DPYD: variants seen among roughly 807,000 people sequenced by gnomAD.
DPYD encodes the protein dihydropyrimidine dehydrogenase [NADP(+)].
In DPYD, 109 loss-of-function variants were observed where a neutral mutation model predicts 116.2. The ratio of observed to expected loss-of-function variants is 0.94; its 90% CI spans 0.80 to 1.10. DPYD has a LOEUF of 1.10. Ranked by LOEUF, DPYD falls within the 50% of genes least tolerant of loss-of-function variation. The pLI, the probability that DPYD is intolerant of heterozygous loss-of-function variation, is 0.00. For missense variants in DPYD, 1,302 were observed against 1,254.5 expected (o/e 1.04, Z -0.57); for synonymous variants, 440 against 432.0 (o/e 1.02, Z -0.23).
chr1:97,089,419 G>A (rs1277893527), intron 21 of DPYD, among the ~76,000 whole-genome samples: 2 of 152,192 alleles, frequency 1.3e-5, no homozygotes, highest in Non-Finnish European at 2.9e-5. Context: ...AAACGAAACT[G>A]CCTCCTGTAG....
At chr1:97,600,653 T>C (rs1405707844) in intron 8 of DPYD, among the ~76,000 whole-genome samples, 1 of 152,146 alleles carries the variant, frequency 6.6e-6, no homozygotes, top group Non-Finnish European at 1.5e-5. Context: ...ATCACAGGAC[T>C]GTTGGGAGAA....
chr1:97,234,388 C>T (rs1661771128), intron 19 of DPYD, among the ~76,000 whole-genome samples: 1 of 151,972 alleles, frequency 6.6e-6, no homozygotes, highest in African/African-American at 2.4e-5. Flanking sequence ...AGAAGCTGAA[C>T]AATCAATTTA....
intron 20 of DPYD, among the ~76,000 whole-genome samples, chr1:97,167,516 CA>C (rs1656416908): frequency 6.6e-6 from 1 of 152,054 alleles, no homozygotes; most frequent in Admixed American, 6.6e-5. Flanking sequence ...CTATATTCTA[CA>C]AAAGTCTACA....
chr1:97,745,666 A>T (rs565140377), intron 3 of DPYD, among the ~76,000 whole-genome samples: 1 of 152,196 alleles, frequency 6.6e-6, no homozygotes, highest in South Asian at 2.1e-4. Context: ...CACATTATTT[A>T]TCTTCATCCA....
intron 2 of DPYD, among the ~76,000 whole-genome samples, chr1:97,848,403 A>G (rs1670412384): frequency 6.6e-6 from 1 of 152,194 alleles, no homozygotes; most frequent in Admixed American, 6.5e-5. Context: ...CTATTTAAAA[A>G]CATTTAAGAA....
chr1:97,739,600 G>A (rs1336136260), intron 4 of DPYD, among the ~76,000 whole-genome samples: 1 of 152,082 alleles, frequency 6.6e-6, no homozygotes, highest in Non-Finnish European at 1.5e-5. Flanking sequence ...TGAAGAACGA[G>A]GAGTTAAGGT....
intron 3 of DPYD, among the ~76,000 whole-genome samples, chr1:97,746,903 T>C (rs1193985948): frequency 6.6e-6 from 1 of 151,886 alleles, no homozygotes; most frequent in African/African-American, 2.4e-5. Flanking sequence ...AAAATGTTTT[T>C]TGTTTTTTGG....
At chr1:97,689,982 C>G (rs1033507656) in intron 7 of DPYD, among the ~76,000 whole-genome samples, 1 of 151,968 alleles carries the variant, frequency 6.6e-6, no homozygotes, top group African/African-American at 2.4e-5. Context: ...AATTTAGGTT[C>G]CATTTTTTTT....
At chr1:97,118,338 TC>T (rs917222893) in intron 20 of DPYD, among the ~76,000 whole-genome samples, 1 of 152,144 alleles carries the variant, frequency 6.6e-6, no homozygotes, top group Admixed American at 6.6e-5. Context: ...CCCTTTTGTT[TC>T]CCACCCTGTC....
chr1:97,099,019 T>G (rs1650472858), intron 20 of DPYD, among the ~76,000 whole-genome samples: 1 of 152,128 alleles, frequency 6.6e-6, no homozygotes, highest in East Asian at 1.9e-4. Context: ...TTTTTTCCCC[T>G]TCATCAGGTT....
intron 18 of DPYD, among the ~76,000 whole-genome samples, chr1:97,261,515 TTA>T (rs371426798): frequency 0.38 from 33,430 of 87,524 alleles, 3,959 homozygotes; most frequent in Non-Finnish European, 0.42. Flanking sequence ...TTTTTTTTTT[TTA>T]AAAAAGAACG....
chr1:97,526,568 A>G (rs1324471373), intron 12 of DPYD, among the ~76,000 whole-genome samples: 1 of 152,222 alleles, frequency 6.6e-6, no homozygotes, highest in East Asian at 1.9e-4. Flanking sequence ...GGATGAGGTC[A>G]CTTCTCCAGT....
At chr1:97,833,977 T>G (rs944324681) in intron 2 of DPYD, among the ~76,000 whole-genome samples, 2 of 152,102 alleles carry the variant, frequency 1.3e-5, no homozygotes, top group Admixed American at 1.3e-4. Context: ...TATGCTATGC[T>G]ATATACAATT....
intron 8 of DPYD, among the ~76,000 whole-genome samples, chr1:97,600,266 T>C (rs1285066547): frequency 6.6e-6 from 1 of 152,132 alleles, no homozygotes; most frequent in Non-Finnish European, 1.5e-5. Flanking sequence ...CAAAGTACTT[T>C]TGTATGTGAG....
chr1:97,210,672 G>C (rs1186801858), intron 19 of DPYD, among the ~76,000 whole-genome samples: 1 of 152,120 alleles, frequency 6.6e-6, no homozygotes, highest in East Asian at 1.9e-4. Flanking sequence ...TTTCAGGCTT[G>C]AGACATGTCT....
intron 11 of DPYD, among the ~76,000 whole-genome samples, chr1:97,568,238 A>G (rs1557804708): frequency 6.6e-6 from 1 of 152,222 alleles, no homozygotes; most frequent in Non-Finnish European, 1.5e-5. Context: ...TGAAGTATTG[A>G]TATTCAAATG....
intron 19 of DPYD, among the ~76,000 whole-genome samples, chr1:97,225,003 GTCTATCTATCTA>G (rs3050227): frequency 0.047 from 5,988 of 127,104 alleles, 126 homozygotes; most frequent in South Asian, 0.076. Context: ...CTGTCTGTCT[GTCTATCTATCTA>G]TCTATCTATC....
intron 18 of DPYD, among the ~76,000 whole-genome samples, chr1:97,300,269 A>T (rs1666782933): frequency 1.3e-5 from 2 of 152,198 alleles, no homozygotes; most frequent in East Asian, 3.9e-4. Context: ...GAATTACTAC[A>T]TTTTTATCCA....
At chr1:97,173,241 T>TATATGTACATATATGCACAC (rs1553227803) in intron 20 of DPYD, among the ~76,000 whole-genome samples, 12 of 124,768 alleles carry the variant, frequency 9.6e-5, no homozygotes, top group African/African-American at 3.2e-4. Flanking sequence ...TGCGCACACA[T>TATATGTACATATATGCACAC]ATATGTACAT....
Sources: gnomAD v4.1 joint callset for allele counts (sites outside exome capture counted in the v4.1 genomes callset) on GRCh38, gnomAD v4.1.1 for gene constraint, MANE v1.5 for transcripts, NCBI Gene and HGNC (gene_info 2026-07-23, HGNC 2026-07-21) for gene names.